The following PACC1 variants were observed in gnomAD, a reference collection of about 807,000 sequenced individuals.
PACC1 encodes proton-activated chloride channel.
PACC1 carries 34 observed loss-of-function variants against 39.7 expected under a neutral mutation model. The observed-to-expected ratio is 0.86, with a 90% CI of 0.65 to 1.14. The LOEUF is 1.14. PACC1 is among the 50% of genes most tolerant of loss of function. The pLI is 0.00. For synonymous variants in PACC1, 127 were observed against 160.6 expected (o/e 0.79, Z 1.58); for missense variants, 379 against 436.4 (o/e 0.87, Z 1.17).
At chr1:212,409,981 T>C (rs1232845026) in intron 2 of PACC1, 3 of 173,244 alleles carry the variant, frequency 1.7e-5, no homozygotes, top group Admixed American at 1.6e-4. Flanking sequence ...TAGTCAGCAG[T>C]GTCAAACATT....
In PACC1 at chr1:212,386,797, G is replaced by A. The variant is rs562379735; in HGVS notation, c.343+94C>T. 2.1e-4 allele frequency: 267 copies of A among 1,279,548 alleles called. No individual in the cohort carries two copies. In the African/African-American group the frequency reaches 3.4e-3, roughly 16 times the overall value. 79.3% of individuals were successfully genotyped at this position (1,279,548 alleles called of 1,614,324 possible). A position where few individuals can be genotyped will look rare whatever the true frequency, so the allele number is the denominator to read the frequency against. On this transcript the variant is annotated intron_variant, in intron 3 of 7. Coordinates refer to ENST00000261455, the MANE Select transcript of PACC1 (RefSeq NM_018252.3). The surrounding 1 kb of genome is among the most constrained non-coding windows in gnomAD (Gnocchi z 5.0). ...TTGGTTGGACTCCTCTGCCCTGCCC[G>A]TAGTACCACAAATACAACGGCAGCT...
chr1:212,377,680 G>A lies in PACC1; in HGVS notation c.665C>T (p.Ala222Val), dbSNP rs1660717630. The change falls in exon 6 of 8, where the codon GCC (alanine) becomes GTC (valine). Residue 222 changes from alanine (A) to valine (V), a missense_variant. Transcript: ENST00000261455. ...CCAGCTGGAATAGGCACTCTCACAG[G>A]CCTGCATGAAGCCTACCCTGTTTGG... ...QSPNRVGFMQACESAYSSWKF... is the reference protein window; with the variant it reads ...QSPNRVGFMQVCESAYSSWKF... 2 of 1,614,156 alleles carry A rather than the reference G, an allele frequency of 1.2e-6. No individual in the cohort carries two copies. The highest frequency in any genetic ancestry group is 1.7e-6 in the Non-Finnish European group (2 of 1,180,036).
chr1:212,401,976 G>T (rs1294729213), intron 2 of PACC1, among the ~76,000 whole-genome samples: 3 of 152,138 alleles, frequency 2.0e-5, no homozygotes, highest in Admixed American at 6.5e-5. Flanking sequence ...CACCCAGCCA[G>T]TTCCTCATTC....
At chr1:212,410,177 T>C in intron 2 of PACC1, 2 of 474,040 alleles carry the variant, frequency 4.2e-6, no homozygotes, top group Admixed American at 3.3e-5. Context: ...ATCCAAAGCA[T>C]TTGCCATTGT....
intron 2 of PACC1, among the ~76,000 whole-genome samples, chr1:212,401,266 G>A (rs977765153): frequency 2.0e-4 from 30 of 152,022 alleles, no homozygotes; most frequent in African/African-American, 7.2e-4. Context: ...CTATGGATTT[G>A]CCTGTTCTGA....
chr1:212,412,141 CAAAAAAAAAAAAGAAAG>C (rs1291949155), intron 1 of PACC1, among the ~76,000 whole-genome samples: 2 of 128,712 alleles, frequency 1.6e-5, no homozygotes, highest in Non-Finnish European at 3.3e-5. Context: ...AACTCAGTCT[CAAAAAAAAAAAAGAAAG>C]AAAAGAAAAG....
chr1:212,414,582 C>G, intron 1 of PACC1, 140 bp downstream of exon 1: 2 of 1,083,902 alleles, frequency 1.8e-6, no homozygotes, highest in Non-Finnish European at 2.7e-6. Flanking sequence ...CCCCGGGAGC[C>G]CTCCCCTGAC....
chr1:212,390,654 C>A (rs1194098381), intron 2 of PACC1, among the ~76,000 whole-genome samples: 2 of 151,278 alleles, frequency 1.3e-5, no homozygotes, highest in Non-Finnish European at 2.9e-5. Context: ...ATCGCCTCAC[C>A]CGGGAAGCAG....
At chr1:212,389,919 A>T (rs1416790976) in intron 2 of PACC1, among the ~76,000 whole-genome samples, 1 of 152,228 alleles carries the variant, frequency 6.6e-6, no homozygotes, top group Non-Finnish European at 1.5e-5. Context: ...TCCAGATCTG[A>T]CAAGAAATAA....
chr1:212,371,380 T>C (rs1271042655), intron 7 of PACC1, among the ~76,000 whole-genome samples: 3 of 151,604 alleles, frequency 2.0e-5, no homozygotes, highest in African/African-American at 7.3e-5. Flanking sequence ...ACATTACAAC[T>C]GATGCCACAG....
intron 1 of PACC1, among the ~76,000 whole-genome samples, chr1:212,413,584 C>A (rs1662213807): frequency 6.6e-6 from 1 of 152,148 alleles, no homozygotes; most frequent in East Asian, 1.9e-4. Context: ...AGTGAGCACA[C>A]GCACAGAGGC....
Position 212,414,549 on chromosome 1 carries a change from T to C in PACC1, c.36+173A>G, listed in dbSNP as rs111501492. On this transcript the variant is annotated intron_variant, in intron 1 of 7. Coordinates refer to ENST00000261455, the MANE Select transcript of PACC1 (RefSeq NM_018252.3). ...CCGCTCCGCTGCCCCGCTTCCTTCC[T>C]GCCCCTGGGCCGCTCCTCTGCACCC... Among the ~76,000 whole-genome samples, 644 of 152,204 alleles carry C rather than the reference T, an allele frequency of 4.2e-3. 4 individuals are homozygous for C. The highest frequency in any genetic ancestry group is 0.015 in the African/African-American group (622 of 41,534).
At chr1:212,404,328 G>A (rs1379219578) in intron 2 of PACC1, among the ~76,000 whole-genome samples, 1 of 150,754 alleles carries the variant, frequency 6.6e-6, no homozygotes, top group South Asian at 2.1e-4. Context: ...GGATGGTGTC[G>A]ATCTCCTGAC....
chr1:212,406,105 CA>C (rs58332482), intron 2 of PACC1, among the ~76,000 whole-genome samples: 8,001 of 56,882 alleles, frequency 0.14, 86 homozygotes, highest in East Asian at 0.29. Context: ...TCCCACCCCA[CA>C]AAAAAAAAAA....
intron 2 of PACC1, among the ~76,000 whole-genome samples, chr1:212,408,662 C>T (rs963975682): frequency 1.3e-5 from 2 of 152,184 alleles, no homozygotes; most frequent in African/African-American, 2.4e-5. Flanking sequence ...GTGCCCGGTC[C>T]CTTCCATGCA....
At chr1:212,393,530 G>C (rs1661404099) in intron 2 of PACC1, among the ~76,000 whole-genome samples, 1 of 152,186 alleles carries the variant, frequency 6.6e-6, no homozygotes, top group Admixed American at 6.5e-5. Flanking sequence ...AAAAGAACTA[G>C]AGAAGCAAGA....
At chr1:212,366,001 AGAG>A (rs1296978937) in intron 7 of PACC1, among the ~76,000 whole-genome samples, 1 of 152,176 alleles carries the variant, frequency 6.6e-6, no homozygotes, top group African/African-American at 2.4e-5. Context: ...TCCCAAACTC[AGAG>A]GAGGATTCCT....
intron 4 of PACC1, among the ~76,000 whole-genome samples, chr1:212,380,739 CT>C (rs1660847397): frequency 2.6e-5 from 4 of 152,186 alleles, no homozygotes. Flanking sequence ...CTGTCCAGTA[CT>C]GTGCCACTTT....
intron 2 of PACC1, among the ~76,000 whole-genome samples, chr1:212,401,873 C>T (rs1200197356): frequency 6.6e-6 from 1 of 151,988 alleles, no homozygotes; most frequent in Non-Finnish European, 1.5e-5. Flanking sequence ...CGGGGTTGCA[C>T]CATGTTGGTC....
Sources: allele counts gnomAD v4.1 joint callset (sites outside exome capture counted in the v4.1 genomes callset), GRCh38; gene constraint gnomAD v4.1.1; non-coding constraint Gnocchi (gnomAD v3.1); transcripts MANE v1.5; gene names NCBI Gene and HGNC (gene_info 2026-07-23, HGNC 2026-07-21).